RANBP2: variants seen among roughly 807,000 people sequenced by gnomAD.
RANBP2 encodes E3 SUMO-protein ligase RanBP2.
RANBP2 carries 57 observed loss-of-function variants against 303.6 expected under a neutral mutation model. The observed-to-expected ratio is 0.19, with a 90% confidence interval of 0.15 to 0.23. RANBP2 has a LOEUF of 0.23. RANBP2 is among the 10% of genes least tolerant of loss of function. RANBP2 has a pLI of 1.00. For missense variants in RANBP2, 3,138 were observed against 3,780.8 expected (o/e 0.83, Z 4.46); for synonymous variants, 1,167 against 1,301.5 (o/e 0.90, Z 2.23).
chr2:109,279,168 C>T, the RANBP2 span, among the ~76,000 whole-genome samples: 2 of 152,238 alleles, frequency 1.3e-5, no homozygotes, highest in African/African-American at 4.8e-5. Context: ...AGCTGTGGTC[C>T]GGATTCCATG....
At chr2:108,827,084 G>T in the RANBP2 span, among the ~76,000 whole-genome samples, 1 of 152,114 alleles carries the variant, frequency 6.6e-6, no homozygotes, top group Non-Finnish European at 1.5e-5. Flanking sequence ...GGCAAGTCAA[G>T]ACAGGGATAC....
At position 108,758,584 on chromosome 2, in the gene RANBP2, A is replaced by T. The variant is rs1407538439; in HGVS notation, c.2602+36A>T. 4.3e-6 allele frequency: 7 copies of T among 1,610,438 alleles called. No individual in the cohort carries two copies. In the Admixed American group the frequency reaches 8.3e-5, roughly 19 times the overall value. The stretch of plus-strand genomic sequence containing the variant: ...AAGTGGATAATCGCATATTTTAGTA[A>T]AACTACTTTACTTCCCTCTTTTAAG... On this transcript the variant is annotated intron_variant, in intron 18 of 28. Coordinates refer to ENST00000283195, the MANE Select transcript of RANBP2 (RefSeq NM_006267.5).
At chr2:109,596,175 G>A in the RANBP2 span, among the ~76,000 whole-genome samples, 1 of 152,054 alleles carries the variant, frequency 6.6e-6, no homozygotes, top group African/African-American at 2.4e-5. Context: ...GGGCCTACAG[G>A]CATGCACCAC....
the RANBP2 span, among the ~76,000 whole-genome samples, chr2:109,715,673 A>T: frequency 2.6e-5 from 4 of 152,110 alleles, no homozygotes; most frequent in African/African-American, 9.7e-5. Context: ...TGATTAGATC[A>T]CTGGCCATTG....
intron 25 of RANBP2, among the ~76,000 whole-genome samples, chr2:108,779,885 T>C (rs554542735): frequency 1.7e-4 from 26 of 152,334 alleles, no homozygotes; most frequent in African/African-American, 6.3e-4. Flanking sequence ...CATTCCAGCA[T>C]TAGCTTCTTC....
the RANBP2 span, among the ~76,000 whole-genome samples, chr2:109,007,152 C>T: frequency 6.6e-6 from 1 of 152,174 alleles, no homozygotes; most frequent in African/African-American, 2.4e-5. Flanking sequence ...CAGAAGGAAC[C>T]GCAGAGACTC....
Position 108,730,782 on chromosome 2 carries a change from G to T in RANBP2, c.149G>T (p.Cys50Phe), listed in dbSNP as rs1573701344. ...KEYDLAKKYI[C>F]TYINVQERDP... ...TTACTTTTAAAAAACAGATACATAT[G>T]TACTTACATTAATGTGCAAGAGAGG... The change falls in exon 3 of 29, where the codon TGT becomes TTT. Residue 50 changes from cysteine to phenylalanine, a missense_variant. By Grantham distance (205) the Cys-to-Phe change is radical (BLOSUM62 -2). Transcript: ENST00000283195. 6.2e-7 allele frequency: 1 copy of T among 1,611,444 alleles called. No homozygotes were observed. The highest frequency in any genetic ancestry group is 8.5e-7 in the Non-Finnish European group (1 of 1,179,528).
the RANBP2 span, among the ~76,000 whole-genome samples, chr2:109,662,361 A>G: frequency 6.6e-6 from 1 of 152,092 alleles, no homozygotes; most frequent in Non-Finnish European, 1.5e-5. Flanking sequence ...ATCTTGGCTC[A>G]CTACAACCTC....
the RANBP2 span, among the ~76,000 whole-genome samples, chr2:109,295,980 A>G: frequency 3.9e-5 from 6 of 152,050 alleles, no homozygotes; most frequent in South Asian, 4.1e-4. Context: ...GCCCTTCACT[A>G]TAGCTTGGTT....
At chr2:109,050,455 A>G in the RANBP2 span, among the ~76,000 whole-genome samples, 2 of 151,912 alleles carry the variant, frequency 1.3e-5, no homozygotes, top group Admixed American at 1.3e-4. Context: ...GGGTCTCATG[A>G]GGTTGCCCAG....
the RANBP2 span, among the ~76,000 whole-genome samples, chr2:109,723,894 G>T: frequency 6.6e-6 from 1 of 152,184 alleles, no homozygotes; most frequent in South Asian, 2.1e-4. Flanking sequence ...CATTTTTATA[G>T]TTTTGGGTTT....
the RANBP2 span, among the ~76,000 whole-genome samples, chr2:109,135,711 T>C: frequency 2.6e-5 from 4 of 152,168 alleles, no homozygotes; most frequent in Non-Finnish European, 5.9e-5. Context: ...ATGCTTTGCC[T>C]CTAGATTCAG....
chr2:109,359,643 C>T, the RANBP2 span, among the ~76,000 whole-genome samples: 4 of 152,120 alleles, frequency 2.6e-5, no homozygotes, highest in Non-Finnish European at 4.4e-5. Flanking sequence ...AACTTGAAAT[C>T]CAGAATGCTC....
the RANBP2 span, among the ~76,000 whole-genome samples, chr2:109,270,455 T>G: frequency 3.9e-5 from 6 of 152,172 alleles, no homozygotes; most frequent in Non-Finnish European, 8.8e-5. Context: ...ACATTTCTTC[T>G]TGTTTCCACT....
At chr2:109,397,021 G>T in the RANBP2 span, among the ~76,000 whole-genome samples, 1 of 152,176 alleles carries the variant, frequency 6.6e-6, no homozygotes, top group African/African-American at 2.4e-5. Context: ...CCTACCTGCA[G>T]TTTTCGGAAA....
At chr2:108,841,002 T>TG in the RANBP2 span, among the ~76,000 whole-genome samples, 23 of 151,296 alleles carry the variant, frequency 1.5e-4, no homozygotes, top group African/African-American at 5.1e-4. Flanking sequence ...TGTGTGTGTG[T>TG]TTTTTGTTTG....
At chr2:109,634,119 C>CAAAAAA in the RANBP2 span, among the ~76,000 whole-genome samples, 17 of 56,100 alleles carry the variant, frequency 3.0e-4, no homozygotes, top group Non-Finnish European at 4.9e-4. Flanking sequence ...GACTCTGTCT[C>CAAAAAA]AAAAAAAAAA....
chr2:109,307,671 G>A, the RANBP2 span, among the ~76,000 whole-genome samples: 1 of 145,724 alleles, frequency 6.9e-6, no homozygotes, highest in South Asian at 2.2e-4. Context: ...AGAATATGTG[G>A]TGTTTGGTTT....
chr2:108,837,282 A>G, the RANBP2 span, among the ~76,000 whole-genome samples: 8 of 152,142 alleles, frequency 5.3e-5, no homozygotes, highest in South Asian at 8.3e-4. Context: ...TTCTTTGTCA[A>G]TTGAAATAAT....
Sources: allele counts gnomAD v4.1 joint callset (sites outside exome capture counted in the v4.1 genomes callset), GRCh38; gene constraint gnomAD v4.1.1; transcripts MANE v1.5; gene names NCBI Gene and HGNC (gene_info 2026-07-23, HGNC 2026-07-21).